The following PRKAG3 variants were observed in gnomAD, a reference collection of about 807,000 sequenced individuals.
PRKAG3 encodes the protein 5'-AMP-activated protein kinase subunit gamma-3.
In PRKAG3, 39 loss-of-function variants were observed where a neutral mutation model predicts 56.5. The ratio of observed to expected loss-of-function variants is 0.69; its 90% CI spans 0.53 to 0.90. The LOEUF is 0.90. PRKAG3 is among the 40% of genes least tolerant of loss of function. The probability of loss-of-function intolerance (pLI) is 0.00; values close to 1 mark genes in which losing one functional copy is unlikely to be tolerated. For missense variants in PRKAG3, 628 were observed against 627.5 expected (o/e 1.00, Z -0.01); for synonymous variants, 243 against 250.1 (o/e 0.97, Z 0.27).
downstream of PRKAG3, chr2:218,822,750 G>C (rs1183410427): frequency 5.8e-6 from 2 of 345,878 alleles, no homozygotes; most frequent in African/African-American, 4.5e-5. Flanking sequence ...AAAGCCTGGA[G>C]AGTAGGAGGG....
chr2:218,824,439 C>A (rs937205825), intron 11 of PRKAG3, 71 bp from the exon 12 acceptor site: 1 of 1,612,194 alleles, frequency 6.2e-7, no homozygotes, highest in Admixed American at 1.7e-5. Context: ...GATGTCAACC[C>A]CTGCATACTT....
chr2:218,824,427 C>T (rs1943901639), intron 11 of PRKAG3, 59 bp from the exon 12 acceptor site: 1 of 1,613,230 alleles, frequency 6.2e-7, no homozygotes, highest in African/African-American at 1.3e-5. Context: ...TCCTACCCTA[C>T]AGATGTCAAC....
At chr2:218,826,093 G>A (rs535286192) in intron 10 of PRKAG3, among the ~76,000 whole-genome samples, 45 of 152,258 alleles carry the variant, frequency 3.0e-4, no homozygotes, top group African/African-American at 1.0e-3. Flanking sequence ...GCAGACTAAA[G>A]TGTTTAGGGG....
chr2:218,829,310 G>A (rs1399063520), intron 4 of PRKAG3, among the ~76,000 whole-genome samples: 1 of 151,124 alleles, frequency 6.6e-6, no homozygotes, highest in African/African-American at 2.4e-5. Flanking sequence ...TTTTTTCTAA[G>A]TCACTCTGTG....
At chr2:218,831,653 C>T in intron 1 of PRKAG3, 85 bp downstream of exon 1, 1 of 1,512,052 alleles carries the variant, frequency 6.6e-7, no homozygotes, top group Non-Finnish European at 9.0e-7. Flanking sequence ...AGAAGACACA[C>T]ACGCCCACAC....
chr2:218,827,561 G>C lies in PRKAG3; in HGVS notation c.875+14C>G. On this transcript the variant is annotated intron_variant, in intron 8 of 12. Transcript: ENST00000529249. This position sits in a 1 kb window ranked among gnomAD's most constrained non-coding sequence, Gnocchi z 5.3. ...GGGAGGAGGAGGCTCAGGTGAATGA[G>C]CAGAGACACCCACCTATCATTAGGA... is the stretch of plus-strand genomic sequence containing the variant. 1 of 1,612,792 alleles carries C rather than the reference G, an allele frequency of 6.2e-7. No homozygotes were observed. The highest frequency in any genetic ancestry group is 8.5e-7 in the Non-Finnish European group (1 of 1,178,848).
At position 218,827,559 on chromosome 2, in the gene PRKAG3, G is replaced by A. The variant is rs1334570358; in HGVS notation, c.875+16C>T. On this transcript the variant is annotated intron_variant, in intron 8 of 12. Coordinates refer to ENST00000529249, the Ensembl canonical transcript of PRKAG3. This position sits in a 1 kb window ranked among gnomAD's most constrained non-coding sequence, Gnocchi z 5.3. ...GTGGGAGGAGGAGGCTCAGGTGAATGAGCAGAGACACCCACCTATCATTAG... is the reference window on the plus strand; with the variant it reads ...GTGGGAGGAGGAGGCTCAGGTGAATAAGCAGAGACACCCACCTATCATTAG... 3 of 1,612,876 alleles carry A rather than the reference G, an allele frequency of 1.9e-6. No homozygotes were observed. The highest frequency in any genetic ancestry group is 2.7e-5 in the African/African-American group (2 of 74,866).
intron 10 of PRKAG3, among the ~76,000 whole-genome samples, chr2:218,825,537 A>G (rs1282931137): frequency 6.6e-6 from 1 of 151,506 alleles, no homozygotes; most frequent in Non-Finnish European, 1.5e-5. Context: ...AATCCCAGCT[A>G]CTCAGGAGGC....
chr2:218,828,105 G>T, intron 5 of PRKAG3, 43 bp from the exon 6 acceptor site: 1 of 1,518,038 alleles, frequency 6.6e-7, no homozygotes, highest in Non-Finnish European at 8.9e-7. Flanking sequence ...GGGCCTTTGG[G>T]TGGAAGGCAG....
chr2:218,827,731 C>T lies in PRKAG3; in HGVS notation c.820+102G>A. 3 of 1,563,202 alleles carry T rather than the reference C, an allele frequency of 1.9e-6. No homozygotes were observed. The highest frequency in any genetic ancestry group is 2.2e-5 in the East Asian group (1 of 44,580). ...GTCAGGCACCCGAGGCTCCTATTGT[C>T]CCTCCCCTGTTCACTCCAGGACATC... On this transcript the variant is annotated intron_variant, in intron 7 of 12. Coordinates refer to ENST00000529249, the Ensembl canonical transcript of PRKAG3. This position sits in a 1 kb window ranked among gnomAD's most constrained non-coding sequence, Gnocchi z 5.3.
At position 218,827,962 on chromosome 2, in the gene PRKAG3, C is replaced by G. The variant is rs758719204; in HGVS notation, c.774+42G>C. On this transcript the variant is annotated intron_variant, in intron 6 of 12. Transcript: ENST00000529249. The surrounding 1 kb of genome is among the most constrained non-coding windows in gnomAD (Gnocchi z 5.3). ...CTCCAGGAGGACTCCCCTCCGCCCC[C>G]GCCCCTCTGGGTGCCCATAAGATTC... 3.1e-6 allele frequency: 5 copies of G among 1,595,778 alleles called. No homozygotes were observed. The highest frequency in any genetic ancestry group is 4.3e-6 in the Non-Finnish European group (5 of 1,169,990).
exon 4 of PRKAG3, chr2:218,830,321 G>A (rs778348798): frequency 1.9e-6 from 3 of 1,612,012 alleles, no homozygotes; most frequent in African/African-American, 2.7e-5. Context: ...AGCCAAGGGT[G>A]TGGTCTTGGG....
rs540211161 is a variant in PRKAG3 at position 218,826,920 on chromosome 2, G to T, written c.1168+8C>A. The T allele has an allele frequency of 6.2e-7, 1 of 1,614,006 alleles. No individual in the cohort carries two copies. The highest frequency in any genetic ancestry group is 1.3e-5 in the African/African-American group (1 of 75,038). On this transcript the variant is annotated splice_region_variant and intron_variant, in intron 10 of 12. Coordinates refer to ENST00000529249, the Ensembl canonical transcript of PRKAG3. The stretch of plus-strand genomic sequence containing the variant: ...CCAGCCCGAGCCTCTCATCCTGGGG[G>T]TGGGTACCACATTCGTTGACCACAG...
Position 218,827,699 on chromosome 2 carries a change from C to T in PRKAG3, c.821-70G>A, listed in dbSNP as rs560684759. On this transcript the variant is annotated intron_variant, in intron 7 of 12. Coordinates refer to ENST00000529249, the Ensembl canonical transcript of PRKAG3. The surrounding 1 kb of genome is among the most constrained non-coding windows in gnomAD (Gnocchi z 5.3). ...CTCACCTTGCAGTCCCAGGCAGCTTCCCTTCCGTCAGGCACCCGAGGCTCC... is the reference window on the plus strand; with the variant it reads ...CTCACCTTGCAGTCCCAGGCAGCTTTCCTTCCGTCAGGCACCCGAGGCTCC... 6.9e-6 allele frequency: 11 copies of T among 1,584,162 alleles called. No individual in the cohort carries two copies. The South Asian group carries it at 1.2e-4, about 18-fold the overall frequency.
downstream of PRKAG3, chr2:218,823,249 T>G (rs978855409): frequency 8.6e-6 from 2 of 232,616 alleles, no homozygotes; most frequent in African/African-American, 4.6e-5. Flanking sequence ...TTTCCTGAGA[T>G]GAGCACGTAG....
chr2:218,824,126 A>G, intron 12 of PRKAG3, 96 bp downstream of exon 12: 1 of 1,588,262 alleles, frequency 6.3e-7, no homozygotes. Context: ...AAATGGAAGG[A>G]TAGGCCAGGT....
intron 10 of PRKAG3, among the ~76,000 whole-genome samples, chr2:218,826,053 CT>C (rs1214288569): frequency 6.6e-6 from 1 of 152,150 alleles, no homozygotes; most frequent in African/African-American, 2.4e-5. Context: ...GCCACCGCCC[CT>C]GGCCAAAAAT....
downstream of PRKAG3, chr2:218,823,124 C>A: frequency 8.9e-6 from 8 of 896,100 alleles, no homozygotes; most frequent in Non-Finnish European, 1.1e-5. Flanking sequence ...GGAGGGACAG[C>A]GGCCTTTCCA....
At chr2:218,830,676 C>T in intron 3 of PRKAG3, 70 bp downstream of exon 3, 2 of 1,554,418 alleles carry the variant, frequency 1.3e-6, no homozygotes, top group South Asian at 2.4e-5. Context: ...AGGTAGAGAC[C>T]AGACCCAGGC....
Sources: allele counts gnomAD v4.1 joint callset (sites outside exome capture counted in the v4.1 genomes callset), GRCh38; gene constraint gnomAD v4.1.1; non-coding constraint Gnocchi (gnomAD v3.1); transcripts MANE v1.5; gene names NCBI Gene and HGNC (gene_info 2026-07-23, HGNC 2026-07-21).